The following ST8SIA1 variants were observed in gnomAD, a reference collection of about 807,000 sequenced individuals.
ST8SIA1 encodes the protein ST8 alpha-N-acetyl-neuraminide alpha-2,8-sialyltransferase 1, also known as alpha-N-acetylneuraminide alpha-2,8-sialyltransferase.
A neutral mutation model predicts 35.9 loss-of-function variants in ST8SIA1; 16 were observed. That is an observed-to-expected ratio of 0.45 (90% CI 0.30 to 0.68). ST8SIA1 has a LOEUF of 0.68. ST8SIA1 is among the 30% of genes least tolerant of loss of function. ST8SIA1 has a pLI of 0.09. For synonymous variants in ST8SIA1, 170 were observed against 169.6 expected (o/e 1.00, Z -0.02); for missense variants, 383 against 453.6 (o/e 0.84, Z 1.41).
intron 1 of ST8SIA1, among the ~76,000 whole-genome samples, chr12:22,329,519 T>C (rs182262061): frequency 2.0e-5 from 3 of 152,328 alleles, no homozygotes; most frequent in African/African-American, 4.8e-5. Flanking sequence ...TCAAAACTTA[T>C]TAAACCCTCT....
chr12:22,291,682 TA>T lies in ST8SIA1; in HGVS notation c.237-4390del, dbSNP rs373328005. ...CAATCTAAAATTCTTATACGCAATATAGGGGTAAACAGTGACAATCTCTTTA... is the reference window on the plus strand; with the variant it reads ...CAATCTAAAATTCTTATACGCAATATGGGGTAAACAGTGACAATCTCTTTA... On this transcript the variant is annotated intron_variant, in intron 1 of 4. Transcript: ENST00000396037. Among the ~76,000 whole-genome samples, 134 of 152,284 alleles carry T rather than the reference TA, an allele frequency of 8.8e-4. 1 individual carries two copies. The highest frequency in any genetic ancestry group is 3.1e-3 in the African/African-American group (130 of 41,548).
In ST8SIA1 at chr12:22,201,761, C is replaced by T. The variant is rs1167371460; in HGVS notation, c.862G>A (p.Glu288Lys). The T allele has an allele frequency of 6.2e-7, 1 of 1,614,010 alleles. No individual in the cohort carries two copies. Among genetic ancestry groups the T allele is most frequent in the Admixed American group, 1.7e-5 (1 of 59,996 alleles). The change falls in exon 5 of 5, where the codon GAA becomes AAA. Residue 288 changes from glutamate (E) to lysine (K), a missense_variant. Coordinates refer to ENST00000396037, the MANE Select transcript of ST8SIA1 (RefSeq NM_003034.4). Reference sequence around the variant, plus strand: ...CAGAAGCCATAGATGGCCACCTCTTCACAGAGACCCAGAGCTGCGCTCACC... The same window carrying T: ...CAGAAGCCATAGATGGCCACCTCTTTACAGAGACCCAGAGCTGCGCTCACC... Reference protein sequence around the residue: ...FLVSAALGLCEEVAIYGFWPF... With the variant: ...FLVSAALGLCKEVAIYGFWPF...
At chr12:22,253,554 TC>T (rs1865696909) in intron 3 of ST8SIA1, among the ~76,000 whole-genome samples, 1 of 152,058 alleles carries the variant, frequency 6.6e-6, no homozygotes, top group Non-Finnish European at 1.5e-5. Context: ...GTGTCTGAAT[TC>T]CCCCACGGTA....
chr12:22,312,842 G>A (rs947834947), intron 1 of ST8SIA1, among the ~76,000 whole-genome samples: 2 of 152,040 alleles, frequency 1.3e-5, no homozygotes, highest in Admixed American at 6.6e-5. Context: ...TTTCAATGCC[G>A]AAGTCTTCTA....
At chr12:22,328,282 C>A (rs1383673372) in intron 1 of ST8SIA1, among the ~76,000 whole-genome samples, 1 of 152,202 alleles carries the variant, frequency 6.6e-6, no homozygotes, top group East Asian at 1.9e-4. Context: ...GGGTGGCTAT[C>A]TGGTTCCACA....
At chr12:22,232,696 G>A (rs1380558524) in intron 4 of ST8SIA1, among the ~76,000 whole-genome samples, 9 of 152,008 alleles carry the variant, frequency 5.9e-5, no homozygotes, top group South Asian at 2.1e-4. Context: ...AAAATAGGCC[G>A]GACATGGTGG....
chr12:22,315,580 C>A (rs571907548), intron 1 of ST8SIA1, among the ~76,000 whole-genome samples: 1 of 152,188 alleles, frequency 6.6e-6, no homozygotes, highest in Non-Finnish European at 1.5e-5. Context: ...AAACCAGATT[C>A]TTTTGATTTA....
chr12:22,320,696 A>C (rs1190771425), intron 1 of ST8SIA1, among the ~76,000 whole-genome samples: 2 of 151,744 alleles, frequency 1.3e-5, no homozygotes, highest in Admixed American at 1.3e-4. Context: ...ATAAAAATTA[A>C]AAATTTGCTG....
intron 4 of ST8SIA1, among the ~76,000 whole-genome samples, chr12:22,207,966 A>G (rs1180386085): frequency 6.6e-6 from 1 of 152,036 alleles, no homozygotes; most frequent in Non-Finnish European, 1.5e-5. Flanking sequence ...AATATAGCGA[A>G]ACCCCATCTC....
At chr12:22,325,762 AACTAAT>A (rs995124607) in intron 1 of ST8SIA1, 6 of 654,794 alleles carry the variant, frequency 9.2e-6, no homozygotes, top group African/African-American at 1.8e-5. Flanking sequence ...GAACAATAAT[AACTAAT>A]AATAAAATAG....
At chr12:22,224,519 C>T (rs1865334008) in intron 4 of ST8SIA1, among the ~76,000 whole-genome samples, 1 of 151,958 alleles carries the variant, frequency 6.6e-6, no homozygotes, top group African/African-American at 2.4e-5. Context: ...CCCACCTTGG[C>T]CTCTCAAAGT....
rs1305059471 is a variant in ST8SIA1 at position 22,193,592 on chromosome 12, C to A, written c.*7960G>T. ...GTGGAAAGAAGCAAGTCAGCAGAAC[C>A]AACAGAGATAGATACTAATTTTTCT... On this transcript the variant is annotated 3_prime_UTR_variant, in exon 5 of 5. Coordinates refer to ENST00000396037, the MANE Select transcript of ST8SIA1 (RefSeq NM_003034.4). 1 of 152,168 alleles carries A rather than the reference C, an allele frequency of 6.6e-6. No homozygotes were observed. The highest frequency in any genetic ancestry group is 1.5e-5 in the Non-Finnish European group (1 of 68,030). 9.4% of individuals were successfully genotyped at this position (152,168 alleles called of 1,614,324 possible).
intron 1 of ST8SIA1, among the ~76,000 whole-genome samples, chr12:22,320,937 GAAAGAAAGAAAGAAAGAAAGA>G (rs1866580225): frequency 1.6e-5 from 1 of 60,948 alleles, no homozygotes; most frequent in South Asian, 5.3e-4. Context: ...AAGAAAGAAA[GAAAGAAAGAAAGAAAGAAAGA>G]GAAAGAAAGA....
intron 4 of ST8SIA1, among the ~76,000 whole-genome samples, chr12:22,214,745 T>A (rs1045413625): frequency 2.0e-4 from 31 of 152,214 alleles, no homozygotes; most frequent in African/African-American, 6.5e-4. Flanking sequence ...TCAAAAGATC[T>A]ATAATTAAAT....
At chr12:22,202,859 G>A (rs745605355) in intron 4 of ST8SIA1, among the ~76,000 whole-genome samples, 37 of 152,160 alleles carry the variant, frequency 2.4e-4, no homozygotes, top group African/African-American at 8.2e-4. Flanking sequence ...AACTAAACTC[G>A]AAGGGATACT....
chr12:22,227,079 G>C (rs1352009788), intron 4 of ST8SIA1, among the ~76,000 whole-genome samples: 1 of 151,862 alleles, frequency 6.6e-6, no homozygotes, highest in African/African-American at 2.4e-5. Context: ...CCAAGTAGCT[G>C]GGATTACAGG....
rs1047832769 is a variant in ST8SIA1 at position 22,198,381 on chromosome 12, T to A, written c.*3171A>T. 3 of 152,080 alleles carry A rather than the reference T, an allele frequency of 2.0e-5. No individual in the cohort carries two copies. The highest frequency in any genetic ancestry group is 4.8e-5 in the African/African-American group (2 of 41,418). The allele number at this position is 152,080 out of a possible 1,614,324, so 9.4% of individuals were successfully genotyped here. A position where few individuals can be genotyped will look rare whatever the true frequency, so the allele number is the denominator to read the frequency against. ...TAATTCTGAAGGTCTTAATTTCAGA[T>A]AAACAAAGAAAGATAATGGGAGCTT... is the stretch of plus-strand genomic sequence containing the variant. On this transcript the variant is annotated 3_prime_UTR_variant, in exon 5 of 5. Coordinates refer to ENST00000396037, the MANE Select transcript of ST8SIA1 (RefSeq NM_003034.4).
At chr12:22,207,882 C>T (rs374489953) in intron 4 of ST8SIA1, among the ~76,000 whole-genome samples, 11 of 152,082 alleles carry the variant, frequency 7.2e-5, no homozygotes, top group South Asian at 4.1e-4. Context: ...CGGTGGCTCA[C>T]GCCTGTAATC....
In ST8SIA1 at chr12:22,321,859, T is replaced by C. The variant is rs534547273; in HGVS notation, c.236+12138A>G. Among the ~76,000 whole-genome samples, 26 of 152,344 alleles carry C rather than the reference T, an allele frequency of 1.7e-4. No homozygotes were observed. In the East Asian group the frequency reaches 5.0e-3, roughly 29 times the overall value. ...CCCCTCCACTTCCTCTTCTTTGCTA[T>C]TGCAGGGTGGCAGGTTGAGTTGAGA... On this transcript the variant is annotated intron_variant, in intron 1 of 4. Transcript: ENST00000396037.
Sources: allele counts gnomAD v4.1 joint callset (sites outside exome capture counted in the v4.1 genomes callset), GRCh38; gene constraint gnomAD v4.1.1; transcripts MANE v1.5; gene names NCBI Gene and HGNC (gene_info 2026-07-23, HGNC 2026-07-21).